DYNLRB1: variants seen among roughly 807,000 people sequenced by gnomAD.
DYNLRB1 encodes dynein light chain roadblock-type 1.
Under a neutral mutation model 13.5 loss-of-function variants are expected in DYNLRB1, and 6 were observed. The ratio of observed to expected loss-of-function variants is 0.44; its 90% confidence interval spans 0.24 to 0.88. DYNLRB1 has a LOEUF of 0.88. Ranked by LOEUF, DYNLRB1 falls within the 40% of genes least tolerant of loss-of-function variation. The pLI is 0.21. For missense variants in DYNLRB1, 93 were observed against 127.2 expected, an observed-to-expected ratio of 0.73 and a Z score of 1.29; for synonymous variants, 43 against 45.0, an observed-to-expected ratio of 0.96 and a Z score of 0.18.
intron 3 of DYNLRB1, chr20:34,535,074 A>T (rs1600552887): frequency 1.0e-6 from 1 of 985,402 alleles, no homozygotes; most frequent in East Asian, 1.1e-4. Context: ...AGAAAACTCA[A>T]AGGCATTTGG....
At chr20:34,528,730 G>C (rs1182798185) in intron 2 of DYNLRB1, among the ~76,000 whole-genome samples, 3 of 152,114 alleles carry the variant, frequency 2.0e-5, no homozygotes, top group Non-Finnish European at 4.4e-5. Context: ...CAGCACTTTG[G>C]GAGGCCATGG....
At chr20:34,530,210 C>T (rs1327640698) in intron 2 of DYNLRB1, 9 of 1,129,686 alleles carry the variant, frequency 8.0e-6, no homozygotes, top group Non-Finnish European at 9.7e-6. Flanking sequence ...CTGGGAAGCC[C>T]TAGCTGCTTA....
chr20:34,516,798 C>G, intron 1 of DYNLRB1: 1 of 1,550,078 alleles, frequency 6.5e-7, no homozygotes. Context: ...CAACGTTTCC[C>G]GGGAGCTCAG....
At chr20:34,518,387 A>G (rs1430656117) in intron 1 of DYNLRB1, among the ~76,000 whole-genome samples, 1 of 152,146 alleles carries the variant, frequency 6.6e-6, no homozygotes, top group Non-Finnish European at 1.5e-5. Flanking sequence ...GTTTACAGGT[A>G]ATACTTGCAC....
chr20:34,535,974 C>T (rs1229146585), intron 3 of DYNLRB1: 3 of 985,142 alleles, frequency 3.0e-6, no homozygotes, highest in Non-Finnish European at 2.4e-6. Context: ...GTCAGCCACT[C>T]CCTGCAGCAG....
chr20:34,540,725 C>A lies in DYNLRB1; in HGVS notation c.*101C>A. 1 of 1,210,076 alleles carries A rather than the reference C, an allele frequency of 8.3e-7. No individual in the cohort carries two copies. The highest frequency in any genetic ancestry group is 1.2e-6 in the Non-Finnish European group (1 of 833,188). 75.0% of individuals were successfully genotyped at this position (1,210,076 alleles called of 1,614,324 possible). A position where few individuals can be genotyped will look rare whatever the true frequency, so the allele number is the denominator to read the frequency against. On this transcript the variant is annotated 3_prime_UTR_variant, in exon 4 of 4. Transcript: ENST00000357156. ...ACTAGCACATGGCAGTCGCTTGGAA[C>A]CCACTCACACCAATCCAGTGACCGT...
chr20:34,539,446 G>A (rs1263250362), intron 3 of DYNLRB1, among the ~76,000 whole-genome samples: 3 of 152,172 alleles, frequency 2.0e-5, no homozygotes, highest in Non-Finnish European at 2.9e-5. Context: ...TTGGGAGGCT[G>A]AGACAGGAGG....
At chr20:34,519,175 G>A (rs543358476) in intron 1 of DYNLRB1, among the ~76,000 whole-genome samples, 7 of 151,916 alleles carry the variant, frequency 4.6e-5, no homozygotes, top group East Asian at 1.9e-4. Flanking sequence ...GCCCACCTCC[G>A]CCTCCAAAAA....
intron 3 of DYNLRB1, among the ~76,000 whole-genome samples, chr20:34,538,124 ATTT>A (rs538105358): frequency 1.2e-5 from 1 of 80,072 alleles, no homozygotes; most frequent in Non-Finnish European, 2.3e-5. Context: ...CACACCCAGC[ATTT>A]TTTTTTTTTT....
At position 34,526,260 on chromosome 20, in the gene DYNLRB1, T is replaced by C. The variant is rs1980198180; in HGVS notation, c.4-8T>C. On this transcript the variant is annotated splice_region_variant and splice_polypyrimidine_tract_variant and intron_variant, in intron 1 of 3. Transcript: ENST00000357156. ...GCCTCTCCTAACCTTGGTCTTGTTT[T>C]CTGGCAGGCAGAGGTGGAGGAGACA... 3 of 1,614,158 alleles carry C rather than the reference T, an allele frequency of 1.9e-6. No homozygotes were observed. Among genetic ancestry groups the C allele is most frequent in the Non-Finnish European group, 2.5e-6 (3 of 1,180,006 alleles).
intron 1 of DYNLRB1, chr20:34,516,903 G>A: frequency 1.4e-6 from 2 of 1,461,752 alleles, no homozygotes; most frequent in South Asian, 1.4e-5. Flanking sequence ...GTCCCATTTT[G>A]TTATACATAT....
intron 3 of DYNLRB1, chr20:34,535,732 G>T: frequency 1.0e-6 from 1 of 985,412 alleles, no homozygotes; most frequent in Non-Finnish European, 1.2e-6. Flanking sequence ...TGTGAGTGGG[G>T]AGGAGTGGGA....
At chr20:34,526,978 G>C (rs916996333) in intron 2 of DYNLRB1, among the ~76,000 whole-genome samples, 1 of 152,188 alleles carries the variant, frequency 6.6e-6, no homozygotes, top group Non-Finnish European at 1.5e-5. Context: ...AGTGGTATCT[G>C]TGTAGGTAGA....
chr20:34,527,635 A>C (rs965764213), intron 2 of DYNLRB1, among the ~76,000 whole-genome samples: 1 of 152,186 alleles, frequency 6.6e-6, no homozygotes, highest in Admixed American at 6.5e-5. Context: ...CAAAAAGTCT[A>C]ATTTATTAGA....
chr20:34,527,546 CCA>C (rs550530651), intron 2 of DYNLRB1, among the ~76,000 whole-genome samples: 4 of 152,196 alleles, frequency 2.6e-5, no homozygotes, highest in Non-Finnish European at 5.9e-5. Flanking sequence ...TGCCTCTAGG[CCA>C]CAGTGTTTCC....
chr20:34,532,843 G>A (rs770242136), intron 2 of DYNLRB1, among the ~76,000 whole-genome samples: 22 of 152,206 alleles, frequency 1.4e-4, no homozygotes, highest in Non-Finnish European at 2.9e-4. Flanking sequence ...GCCCTAGGAT[G>A]ACAAGATTGA....
At position 34,536,452 on chromosome 20, in the gene DYNLRB1, A is replaced by C. The variant is rs111712827; in HGVS notation, c.247+1657A>C. ...GCAGAGGACAAAGCTTCACTCCCCA[A>C]AAGTCGGGCCGGGATGGAGCGCAGT... On this transcript the variant is annotated intron_variant, in intron 3 of 3. Coordinates refer to ENST00000357156, the MANE Select transcript of DYNLRB1 (RefSeq NM_014183.4). 35 of 985,292 alleles carry C rather than the reference A, an allele frequency of 3.6e-5. No homozygotes were observed. The African/African-American group carries it at 3.8e-4, about 11-fold the overall frequency. The allele number at this position is 985,292 out of a possible 1,614,324, so 61.0% of individuals were successfully genotyped here.
At position 34,534,766 on chromosome 20, in the gene DYNLRB1, C is replaced by G; in HGVS notation, c.218C>G (p.Ser73Cys). Residue 73 changes from serine to cysteine, a missense_variant, in exon 3 of 4, where the codon TCC (serine) becomes TGC (cysteine). Transcript: ENST00000357156. ...QNDLTFLRIR[S>C]KKNEIMVAPD... is the part of the protein sequence containing the mutation. ...GATCTCACCTTCCTTCGAATTCGCT[C>G]CAAGAAAAATGAAATTATGGTTGCA... is the stretch of plus-strand genomic sequence containing the variant. The G allele has an allele frequency of 6.2e-7, 1 of 1,614,128 alleles. No individual in the cohort carries two copies. The highest frequency in any genetic ancestry group is 8.5e-7 in the Non-Finnish European group (1 of 1,180,026).
chr20:34,520,912 A>G (rs1459540507), intron 1 of DYNLRB1, among the ~76,000 whole-genome samples: 2 of 152,206 alleles, frequency 1.3e-5, no homozygotes, highest in Admixed American at 6.5e-5. Flanking sequence ...TTCTTGCAAT[A>G]TATTGTCCTG....
Sources: allele counts gnomAD v4.1 joint callset (sites outside exome capture counted in the v4.1 genomes callset), GRCh38; gene constraint gnomAD v4.1.1; transcripts MANE v1.5; gene names NCBI Gene and HGNC (gene_info 2026-07-23, HGNC 2026-07-21).